GSK3B: variants seen among roughly 807,000 people sequenced by gnomAD.
GSK3B encodes the protein glycogen synthase kinase-3 beta.
Under a neutral mutation model 56.4 loss-of-function variants are expected in GSK3B, and 15 were observed. The ratio of observed to expected loss-of-function variants is 0.27; its 90% CI spans 0.18 to 0.41. The LOEUF is 0.41. Ranked by LOEUF, GSK3B falls within the 10% of genes least tolerant of loss-of-function variation. GSK3B has a pLI of 1.00. For missense variants in GSK3B, 300 were observed against 513.4 expected (o/e 0.58, Z 4.02); for synonymous variants, 181 against 188.9 (o/e 0.96, Z 0.34).
chr3:120,057,321 G>A (rs1304466785), intron 1 of GSK3B, among the ~76,000 whole-genome samples: 12 of 152,064 alleles, frequency 7.9e-5, no homozygotes, highest in South Asian at 2.1e-4. Context: ...TCCTAGTAAC[G>A]TGACTAGGAA....
chr3:120,084,320 A>G (rs1038887201), intron 1 of GSK3B, among the ~76,000 whole-genome samples: 7 of 152,164 alleles, frequency 4.6e-5, no homozygotes, highest in Admixed American at 3.3e-4. Context: ...GTCTACCACA[A>G]TAAGACAAAA....
intron 2 of GSK3B, among the ~76,000 whole-genome samples, chr3:119,975,526 T>C (rs1271461470): frequency 3.3e-5 from 5 of 152,016 alleles, no homozygotes; most frequent in African/African-American, 4.8e-5. Context: ...AAAGCTAATC[T>C]GAAAAGGCTA....
chr3:120,051,269 G>A (rs1401230783), intron 1 of GSK3B, among the ~76,000 whole-genome samples: 3 of 151,890 alleles, frequency 2.0e-5, no homozygotes, highest in Non-Finnish European at 4.4e-5. Context: ...GATGAAAATA[G>A]GCAACAGGAC....
intron 4 of GSK3B, 70 bp from the exon 5 acceptor site, chr3:119,916,244 T>A: frequency 7.7e-7 from 1 of 1,301,924 alleles, no homozygotes; most frequent in Non-Finnish European, 1.1e-6. Context: ...AAGCAGTCAA[T>A]AAAGTAACAG....
At chr3:119,978,596 A>G (rs1559861571) in intron 2 of GSK3B, among the ~76,000 whole-genome samples, 2 of 152,128 alleles carry the variant, frequency 1.3e-5, no homozygotes, top group South Asian at 4.1e-4. Flanking sequence ...ATCTTGAGTT[A>G]ATTCCTGGAT....
At chr3:119,837,857 G>A (rs1253528507) in intron 10 of GSK3B, among the ~76,000 whole-genome samples, 2 of 145,978 alleles carry the variant, frequency 1.4e-5, no homozygotes, top group Admixed American at 1.4e-4. Flanking sequence ...AAGAAAATAA[G>A]ACATATATAA....
At position 120,089,624 on chromosome 3, in the gene GSK3B, C is replaced by T. The variant is rs112787247; in HGVS notation, c.88+3723G>A. 7.4e-3 allele frequency among the ~76,000 whole-genome samples: 1,125 copies of T among 152,216 alleles called. 15 individuals are homozygous for T. The highest frequency in any genetic ancestry group is 0.025 in the African/African-American group (1,037 of 41,550). On this transcript the variant is annotated intron_variant, in intron 1 of 10. Coordinates refer to ENST00000264235, the MANE Select transcript of GSK3B (RefSeq NM_001146156.2). ...AAAAAAGTTTTATATGAGGAAACAA[C>T]TTAAGTGATACAGACTTATTTTCAT...
At chr3:119,912,417 C>T (rs1188455600) in intron 6 of GSK3B, among the ~76,000 whole-genome samples, 1 of 151,396 alleles carries the variant, frequency 6.6e-6, no homozygotes, top group African/African-American at 2.4e-5. Flanking sequence ...CATGATGACA[C>T]AAAGACATGA....
intron 2 of GSK3B, among the ~76,000 whole-genome samples, chr3:119,967,674 G>T (rs1277727832): frequency 6.6e-6 from 1 of 152,050 alleles, no homozygotes; most frequent in African/African-American, 2.4e-5. Flanking sequence ...TGAAGCTTTG[G>T]ACAACTGGAT....
intron 1 of GSK3B, among the ~76,000 whole-genome samples, chr3:120,044,678 C>T (rs1264343922): frequency 1.3e-5 from 2 of 152,138 alleles, no homozygotes; most frequent in Non-Finnish European, 2.9e-5. Flanking sequence ...GGATAGATTA[C>T]ATCTATTATA....
At chr3:119,923,304 A>G in intron 4 of GSK3B, 69 bp downstream of exon 4, 1 of 767,504 alleles carries the variant, frequency 1.3e-6, no homozygotes, top group Non-Finnish European at 2.2e-6. Flanking sequence ...TAGTTAAAAC[A>G]TAAAAGAGGC....
At chr3:120,015,410 G>A (rs1041003515) in intron 1 of GSK3B, among the ~76,000 whole-genome samples, 1 of 152,018 alleles carries the variant, frequency 6.6e-6, no homozygotes, top group Non-Finnish European at 1.5e-5. Context: ...CAGCACTCTG[G>A]GAGGCCGAGG....
chr3:120,083,923 G>T (rs1317149797), intron 1 of GSK3B, among the ~76,000 whole-genome samples: 4 of 152,174 alleles, frequency 2.6e-5, no homozygotes, highest in African/African-American at 9.7e-5. Flanking sequence ...TCCAGAACAG[G>T]CAAATCTATA....
chr3:119,939,299 G>A (rs1454640784), intron 3 of GSK3B, among the ~76,000 whole-genome samples: 1 of 152,110 alleles, frequency 6.6e-6, no homozygotes, highest in East Asian at 1.9e-4. Flanking sequence ...AGAAAGGAGA[G>A]ATGAGTCAAG....
intron 9 of GSK3B, among the ~76,000 whole-genome samples, chr3:119,847,445 A>G (rs1359343217): frequency 1.3e-5 from 2 of 152,170 alleles, no homozygotes; most frequent in Non-Finnish European, 2.9e-5. Context: ...GTGCCATTGC[A>G]CTTCAGCCTG....
rs534813495 is a variant in GSK3B, at chr3:119,931,060, G to A, written c.367-7577C>T. ...AATAGCCACAGGGAATAACCCCGAG[G>A]GGACAGTGCCCATCCCTAGGAAACA... On this transcript the variant is annotated intron_variant, in intron 3 of 10. Coordinates refer to ENST00000264235, the MANE Select transcript of GSK3B (RefSeq NM_001146156.2). 3.9e-5 allele frequency among the ~76,000 whole-genome samples: 6 copies of A among 152,326 alleles called. No homozygotes were observed. In the South Asian group the frequency reaches 1.0e-3, roughly 26 times the overall value.
chr3:120,082,385 C>CTTTTTTTTTTTT lies in GSK3B; in HGVS notation c.88+10950_88+10961dup, dbSNP rs1173737285. On this transcript the variant is annotated intron_variant, in intron 1 of 10. Transcript: ENST00000264235. ...TGTGGCTAGCCCAAATTAGTATGTT[C>CTTTTTTTTTTTT]TTTTTTTTTTTTTTTTTTTTTTTTT... is the stretch of plus-strand genomic sequence containing the variant. Among the ~76,000 whole-genome samples, 12 of 66,384 alleles carry CTTTTTTTTTTTT rather than the reference C, an allele frequency of 1.8e-4. 3 individuals carry two copies. The highest frequency in any genetic ancestry group is 4.5e-4 in the African/African-American group (9 of 19,982). 43.6% of individuals were successfully genotyped at this position (66,384 alleles called of 152,430 possible).
intron 7 of GSK3B, among the ~76,000 whole-genome samples, chr3:119,903,889 T>C (rs756604926): frequency 6.6e-6 from 1 of 152,044 alleles, no homozygotes; most frequent in Non-Finnish European, 1.5e-5. Flanking sequence ...ACAGGAGAAA[T>C]GCTGAATGGT....
Position 119,824,128 on chromosome 3 carries a change from G to A in GSK3B, c.*2660C>T, listed in dbSNP as rs2055459589. 5.0e-6 allele frequency: 1 copy of A among 201,736 alleles called. No individual in the cohort carries two copies. Among genetic ancestry groups the A allele is most frequent in the African/African-American group, 2.3e-5 (1 of 43,570 alleles). The allele number at this position is 201,736 out of a possible 1,614,324, so 12.5% of individuals were successfully genotyped here. The stretch of plus-strand genomic sequence containing the variant: ...TTTTTGCTCATTAATAACAGTTCCT[G>A]GGTCCACATATTTACATACAAAACA... On this transcript the variant is annotated 3_prime_UTR_variant, in exon 11 of 11. Transcript: ENST00000264235.
Sources: gnomAD v4.1 joint callset for allele counts (sites outside exome capture counted in the v4.1 genomes callset) on GRCh38, gnomAD v4.1.1 for gene constraint, MANE v1.5 for transcripts, NCBI Gene and HGNC (gene_info 2026-07-23, HGNC 2026-07-21) for gene names.